The following MACROD1 variants were observed in gnomAD, a reference collection of about 807,000 sequenced individuals.
MACROD1 encodes mono-ADP ribosylhydrolase 1.
A neutral mutation model predicts 41.4 loss-of-function variants in MACROD1; 31 were observed. The ratio of observed to expected loss-of-function variants is 0.75; its 90% CI spans 0.56 to 1.01. The LOEUF (loss-of-function observed/expected upper bound fraction) is 1.01, where lower values mean the gene tolerates loss of function less well. Ranked by LOEUF, MACROD1 falls within the 50% of genes least tolerant of loss-of-function variation. MACROD1 has a pLI of 0.00. For synonymous variants in MACROD1, 252 were observed against 203.4 expected, an observed-to-expected ratio of 1.24 and a Z score of -2.03; for missense variants, 473 against 460.0, an observed-to-expected ratio of 1.03 and a Z score of -0.26.
At position 64,090,280 on chromosome 11, in the gene MACROD1, C is replaced by T. The variant is rs755303026; in HGVS notation, c.517+60959G>A. 2.0e-5 allele frequency among the ~76,000 whole-genome samples: 3 copies of T among 152,170 alleles called. No homozygotes were observed. The highest frequency in any genetic ancestry group is 4.8e-5 in the African/African-American group (2 of 41,438). On this transcript the variant is annotated intron_variant, in intron 3 of 10. Coordinates refer to ENST00000255681, the MANE Select transcript of MACROD1 (RefSeq NM_014067.4). This position sits in a 1 kb window ranked among gnomAD's most constrained non-coding sequence, Gnocchi z 4.7. ...GCTCATCCTCGGGAAATGCATCGTGCGTTGCTTTTCCCGTCTGGGAGTCTA... is the reference window on the plus strand; with the variant it reads ...GCTCATCCTCGGGAAATGCATCGTGTGTTGCTTTTCCCGTCTGGGAGTCTA...
At chr11:64,164,406 T>C (rs1945803602) in intron 1 of MACROD1, among the ~76,000 whole-genome samples, 1 of 152,210 alleles carries the variant, frequency 6.6e-6, no homozygotes, top group Non-Finnish European at 1.5e-5. Context: ...CTTGTCTCCG[T>C]AGCTCTTTCC....
chr11:64,076,473 A>ACAG (rs1944204245), intron 3 of MACROD1, among the ~76,000 whole-genome samples: 2 of 151,744 alleles, frequency 1.3e-5, no homozygotes, highest in African/African-American at 4.8e-5. Context: ...CGGACGGACG[A>ACAG]ATGGATGGAT....
intron 3 of MACROD1, among the ~76,000 whole-genome samples, chr11:64,150,384 G>T (rs1298760640): frequency 3.3e-5 from 5 of 152,214 alleles, no homozygotes; most frequent in Non-Finnish European, 7.3e-5. Context: ...GGTTAGGGAG[G>T]GGCTGGCACA....
chr11:64,053,340 G>A (rs569327633), intron 3 of MACROD1, among the ~76,000 whole-genome samples: 9 of 152,346 alleles, frequency 5.9e-5, no homozygotes, highest in South Asian at 4.1e-4. Context: ...CTTTAATGAA[G>A]CAGATTAAGC....
intron 3 of MACROD1, among the ~76,000 whole-genome samples, chr11:64,039,868 CTAG>C (rs1156297337): frequency 2.0e-5 from 3 of 152,116 alleles, no homozygotes; most frequent in Non-Finnish European, 4.4e-5. Context: ...GAGCTGGTGG[CTAG>C]TGAGGGTGGG....
chr11:64,143,393 C>T (rs759995647), intron 3 of MACROD1, among the ~76,000 whole-genome samples: 59 of 152,150 alleles, frequency 3.9e-4, no homozygotes, highest in Admixed American at 7.2e-4. Context: ...ACGTGTGCAG[C>T]GTGTTGAGCA....
intron 3 of MACROD1, among the ~76,000 whole-genome samples, chr11:64,023,607 C>G (rs936300015): frequency 5.3e-5 from 8 of 152,130 alleles, no homozygotes; most frequent in African/African-American, 1.9e-4. Flanking sequence ...TCTGACGAGC[C>G]TGGGAGCTGC....
chr11:64,033,014 T>C (rs1347722377), intron 3 of MACROD1, among the ~76,000 whole-genome samples: 1 of 151,690 alleles, frequency 6.6e-6, no homozygotes, highest in Non-Finnish European at 1.5e-5. Context: ...TCACAGCAAC[T>C]GTGAGCTTCT....
intron 3 of MACROD1, among the ~76,000 whole-genome samples, chr11:64,034,909 T>C (rs954555098): frequency 1.3e-5 from 2 of 152,136 alleles, no homozygotes; most frequent in Admixed American, 1.3e-4. Flanking sequence ...CCTTACTTAG[T>C]GTCCCAGCGA....
chr11:64,002,428 CT>C lies in MACROD1; in HGVS notation c.548-2086del, dbSNP rs537719199. ...AGCTGGAATCAATGCTGGCAGAGGG[CT>C]CAGGCCAGATGCCCCCTCCTCACCC... On this transcript the variant is annotated intron_variant, in intron 4 of 10. Transcript: ENST00000255681. 2.7e-4 allele frequency among the ~76,000 whole-genome samples: 41 copies of C among 152,296 alleles called. 1 individual carries two copies. In the South Asian group the frequency reaches 8.3e-3, roughly 31 times the overall value.
intron 3 of MACROD1, among the ~76,000 whole-genome samples, chr11:64,061,167 AATGAGT>A (rs1458291878): frequency 6.6e-6 from 1 of 152,190 alleles, no homozygotes; most frequent in African/African-American, 2.4e-5. Flanking sequence ...TGAGTCTTGT[AATGAGT>A]ATGGATTTGC....
At chr11:64,058,305 C>G (rs1372559590) in intron 3 of MACROD1, among the ~76,000 whole-genome samples, 1 of 152,262 alleles carries the variant, frequency 6.6e-6, no homozygotes, top group Non-Finnish European at 1.5e-5. Context: ...TGCTGTGCTC[C>G]TTGGTGCCCA....
At chr11:64,049,334 A>C (rs1250183456) in intron 3 of MACROD1, among the ~76,000 whole-genome samples, 4 of 152,192 alleles carry the variant, frequency 2.6e-5, no homozygotes, top group Non-Finnish European at 2.9e-5. Context: ...GGTCCTACCG[A>C]TGCCCAAAGG....
At chr11:64,001,168 G>A (rs1205925626) in intron 4 of MACROD1, 3 of 505,726 alleles carry the variant, frequency 5.9e-6, no homozygotes, top group African/African-American at 3.9e-5. Context: ...GCCCAACCTC[G>A]CCAGGGCACC....
intron 4 of MACROD1, among the ~76,000 whole-genome samples, chr11:64,012,427 G>T (rs1267615017): frequency 6.6e-6 from 1 of 151,636 alleles, no homozygotes; most frequent in Non-Finnish European, 1.5e-5. Flanking sequence ...TTGAGACAGG[G>T]TCTCGCTGTG....
chr11:64,091,566 C>T (rs534662518), intron 3 of MACROD1, among the ~76,000 whole-genome samples: 10 of 152,204 alleles, frequency 6.6e-5, no homozygotes, highest in Middle Eastern at 3.4e-3. Context: ...GCCAGTCCTT[C>T]GGGCGTTTGC....
intron 2 of MACROD1, 125 bp from the exon 3 acceptor site, chr11:64,151,480 C>A (rs79720109): frequency 2.9e-6 from 2 of 681,146 alleles, no homozygotes; most frequent in African/African-American, 1.8e-5. Context: ...GCCTGCAGCA[C>A]GATGACTGCT....
chr11:64,011,196 G>A (rs1943011055), intron 4 of MACROD1, among the ~76,000 whole-genome samples: 1 of 147,198 alleles, frequency 6.8e-6, no homozygotes, highest in Non-Finnish European at 1.5e-5. Flanking sequence ...ATTTGTTGGG[G>A]TGTTGGCTGG....
At position 64,082,584 on chromosome 11, in the gene MACROD1, G is replaced by A. The variant is rs1006577674; in HGVS notation, c.518-67303C>T. On this transcript the variant is annotated intron_variant, in intron 3 of 10. Transcript: ENST00000255681. This position sits in a 1 kb window ranked among gnomAD's most constrained non-coding sequence, Gnocchi z 4.5. ...GAAGTAGGGTTCAGATTCAGGTGAA[G>A]CTTAGGGGTCCCTGGGCTGAAGACG... Among the ~76,000 whole-genome samples the A allele has an allele frequency of 6.6e-6, 1 of 152,100 alleles. No homozygotes were observed. Among genetic ancestry groups the A allele is most frequent in the Non-Finnish European group, 1.5e-5 (1 of 67,992 alleles).
Sources: gnomAD v4.1 joint callset for allele counts (sites outside exome capture counted in the v4.1 genomes callset) on GRCh38, gnomAD v4.1.1 for gene constraint, Gnocchi (gnomAD v3.1) non-coding constraint, MANE v1.5 for transcripts, NCBI Gene and HGNC (gene_info 2026-07-23, HGNC 2026-07-21) for gene names.